SLC34A1: variants seen among roughly 807,000 people sequenced by gnomAD.
The protein encoded by SLC34A1 is solute carrier family 34 member 1.
A neutral mutation model predicts 51.4 loss-of-function variants in SLC34A1; 57 were observed. The ratio of observed to expected loss-of-function variants is 1.11; its 90% CI spans 0.90 to 1.38. SLC34A1 has a LOEUF of 1.38. Ranked by LOEUF, SLC34A1 falls within the 40% of genes most tolerant of loss-of-function variation. The pLI is 0.00. For synonymous variants in SLC34A1, 368 were observed against 358.0 expected (o/e 1.03, Z -0.32); for missense variants, 796 against 835.6 (o/e 0.95, Z 0.58).
In SLC34A1 at chr5:177,396,622, C is replaced by T. The variant is rs1179212492; in HGVS notation, c.1175-111C>T. 5.1e-6 allele frequency: 4 copies of T among 789,226 alleles called. No individual in the cohort carries two copies. The highest frequency in any genetic ancestry group is 3.5e-5 in the Admixed American group (2 of 56,554). The allele number at this position is 789,226 out of a possible 1,614,324, so 48.9% of individuals were successfully genotyped here. A position where few individuals can be genotyped will look rare whatever the true frequency, so the allele number is the denominator to read the frequency against. ...CTCTCCCAGTGCCCCCGCGGAGATC[C>T]GCTCTCCCAGTGCCCCCGCGGAGGT... On this transcript the variant is annotated intron_variant, in intron 10 of 12. Coordinates refer to ENST00000324417, the MANE Select transcript of SLC34A1 (RefSeq NM_003052.5). The surrounding 1 kb of genome is among the most constrained non-coding windows in gnomAD (Gnocchi z 4.0).
Position 177,387,343 on chromosome 5 carries a change from C to T in SLC34A1, c.533-419C>T, listed in dbSNP as rs183944583. ...CCAGGAGGCAGAGCTTGCAGTGAGC[C>T]GAGATCATGCCACTGCACTCCAGCC... On this transcript the variant is annotated intron_variant, in intron 5 of 12. Coordinates refer to ENST00000324417, the MANE Select transcript of SLC34A1 (RefSeq NM_003052.5). Among the ~76,000 whole-genome samples, 15 of 152,240 alleles carry T rather than the reference C, an allele frequency of 9.9e-5. No homozygotes were observed. In the East Asian group the frequency reaches 2.1e-3, roughly 22 times the overall value.
At position 177,397,016 on chromosome 5, in the gene SLC34A1, C is replaced by T. The variant is rs1177051335; in HGVS notation, c.1358C>T (p.Thr453Ile). 6.2e-7 allele frequency: 1 copy of T among 1,614,040 alleles called. No individual in the cohort carries two copies. Among genetic ancestry groups the T allele is most frequent in the Non-Finnish European group, 8.5e-7 (1 of 1,180,046 alleles). ...LTLGSNIGTT[T>I]TAILAALASP... is the part of the protein sequence containing the mutation. ...CTGGGTTCCAACATCGGCACCACCA[C>T]CACGGCCATCCTGGCTGCCCTGGCC... Residue 453 changes from threonine to isoleucine, a missense_variant, in exon 12 of 13, where the codon ACC becomes ATC. Physicochemically the swap from Thr to Ile is moderately conservative, Grantham distance 89. Coordinates refer to ENST00000324417, the MANE Select transcript of SLC34A1 (RefSeq NM_003052.5).
At chr5:177,389,307 G>A (rs929300480) in intron 8 of SLC34A1, among the ~76,000 whole-genome samples, 1 of 152,078 alleles carries the variant, frequency 6.6e-6, no homozygotes, top group East Asian at 1.9e-4. Context: ...AATGAGATAC[G>A]AGGAAATCCA....
chr5:177,388,285 G>C lies in SLC34A1; in HGVS notation c.849G>C (p.Glu283Asp), dbSNP rs749905923. 1 of 1,614,138 alleles carries C rather than the reference G, an allele frequency of 6.2e-7. No homozygotes were observed. The highest frequency in any genetic ancestry group is 1.7e-5 in the Admixed American group (1 of 60,022). Residue 283 changes from glutamate (E) to aspartate (D), a missense_variant, in exon 8 of 13, where the codon GAG becomes GAC. Glu to Asp is a conservative substitution (Grantham distance 45, BLOSUM62 2). Transcript: ENST00000324417. This position sits in a 1 kb window ranked among gnomAD's most constrained non-coding sequence, Gnocchi z 4.3. ...PFTKLIIQLDESVITSIATGD... is the reference protein window; with the variant it reads ...PFTKLIIQLDDSVITSIATGD... Reference sequence around the variant, plus strand: ...CCACATCTTGCCCACAGCTGGACGAGTCTGTGATAACCAGCATTGCCACTG... The same window carrying C: ...CCACATCTTGCCCACAGCTGGACGACTCTGTGATAACCAGCATTGCCACTG...
Position 177,398,543 on chromosome 5 carries a change from G to A in SLC34A1, c.*257G>A, listed in dbSNP as rs1306342542. 1.7e-6 allele frequency: 1 copy of A among 585,504 alleles called. No homozygotes were observed. The highest frequency in any genetic ancestry group is 1.9e-5 in the African/African-American group (1 of 53,852). The allele number at this position is 585,504 out of a possible 1,614,324, so 36.3% of individuals were successfully genotyped here. The stretch of plus-strand genomic sequence containing the variant: ...GTGCCAGCCCATGCAGGTGTACACA[G>A]ACACACCTGTGGGAGGCTGTGTGCA... On this transcript the variant is annotated 3_prime_UTR_variant, in exon 13 of 13. Coordinates refer to ENST00000324417, the MANE Select transcript of SLC34A1 (RefSeq NM_003052.5). The surrounding 1 kb of genome is among the most constrained non-coding windows in gnomAD (Gnocchi z 4.7).
chr5:177,392,411 C>T (rs935303727), intron 8 of SLC34A1, among the ~76,000 whole-genome samples: 15 of 152,008 alleles, frequency 9.9e-5, no homozygotes, highest in African/African-American at 2.4e-4. Flanking sequence ...TGCAGTGAGC[C>T]GAGATTGTGC....
chr5:177,391,133 T>G (rs530291226), intron 8 of SLC34A1, among the ~76,000 whole-genome samples: 25 of 152,274 alleles, frequency 1.6e-4, no homozygotes, highest in Non-Finnish European at 2.8e-4. Context: ...GGGCACATCT[T>G]GGGAAGATGC....
At chr5:177,392,911 C>T (rs1435103017) in intron 8 of SLC34A1, among the ~76,000 whole-genome samples, 1 of 152,234 alleles carries the variant, frequency 6.6e-6, no homozygotes, top group East Asian at 1.9e-4. Context: ...CACACTGCAC[C>T]TGGCCCAGAT....
chr5:177,393,648 A>G, intron 8 of SLC34A1, 46 bp from the exon 9 acceptor site: 1 of 1,592,440 alleles, frequency 6.3e-7, no homozygotes, highest in Non-Finnish European at 8.6e-7. Flanking sequence ...CCCCAACCTC[A>G]GGCTGTGTTT....
rs1281370934 is a variant in SLC34A1 at position 177,385,758 on chromosome 5, A to G, written c.17A>G (p.Glu6Gly). MLSYG[E>G]RLGSPAVSPL... Reference sequence around the variant, plus strand: ...GTGCCCAGGATGTTGTCCTACGGAGAGAGGCTGGGGTCCCCTGCTGTCTCC... The same window carrying G: ...GTGCCCAGGATGTTGTCCTACGGAGGGAGGCTGGGGTCCCCTGCTGTCTCC... Residue 6 changes from glutamate (E) to glycine (G), a missense_variant, in exon 2 of 13, where the codon GAG becomes GGG. By Grantham distance (98) the Glu-to-Gly change is moderately conservative (BLOSUM62 -2). Transcript: ENST00000324417. 6.2e-7 allele frequency: 1 copy of G among 1,612,900 alleles called. No homozygotes were observed. The highest frequency in any genetic ancestry group is 8.5e-7 in the Non-Finnish European group (1 of 1,179,736).
chr5:177,386,143 C>G lies in SLC34A1; in HGVS notation c.259+7C>G, dbSNP rs769002585. 2 of 1,613,784 alleles carry G rather than the reference C, an allele frequency of 1.2e-6. No individual in the cohort carries two copies. The highest frequency in any genetic ancestry group is 1.7e-6 in the Non-Finnish European group (2 of 1,179,856). ...GAGGAGGAGCAGAAGCCAGGTGGGC[C>G]TGGGCTGGGGGTGGCAGAGGCGGCA... is the stretch of plus-strand genomic sequence containing the variant. On this transcript the variant is annotated splice_region_variant and intron_variant, in intron 3 of 12. Coordinates refer to ENST00000324417, the MANE Select transcript of SLC34A1 (RefSeq NM_003052.5). The surrounding 1 kb of genome is among the most constrained non-coding windows in gnomAD (Gnocchi z 4.8).
Position 177,396,670 on chromosome 5 carries a change from G to A in SLC34A1, c.1175-63G>A. The A allele has an allele frequency of 1.4e-6, 2 of 1,421,902 alleles. No individual in the cohort carries two copies. The highest frequency in any genetic ancestry group is 2.3e-5 in the East Asian group (1 of 43,900). 88.1% of individuals were successfully genotyped at this position (1,421,902 alleles called of 1,614,324 possible). A position where few individuals can be genotyped will look rare whatever the true frequency, so the allele number is the denominator to read the frequency against. ...GGTCCGCTCTCCCAGTGCCCCCGCG[G>A]AGGTCTGCTCTCCCAATGTCCCCGC... is the stretch of plus-strand genomic sequence containing the variant. On this transcript the variant is annotated intron_variant, in intron 10 of 12. Transcript: ENST00000324417. This position sits in a 1 kb window ranked among gnomAD's most constrained non-coding sequence, Gnocchi z 4.0.
chr5:177,386,435 G>C lies in SLC34A1; in HGVS notation c.401G>C (p.Gly134Ala), dbSNP rs1386086457. ...AFQLAGGKVA[G>A]DIFKDNAILS... ...TCATGCTCCCCAGGGAAGGTGGCTG[G>C]TGACATCTTCAAGGATAACGCCATC... is the stretch of plus-strand genomic sequence containing the variant. The change falls in exon 5 of 13, where the codon GGT becomes GCT. Residue 134 changes from glycine (G) to alanine (A), a missense_variant. Physicochemically the swap from Gly to Ala is moderately conservative, Grantham distance 60 (BLOSUM62 0). Transcript: ENST00000324417. The surrounding 1 kb of genome is among the most constrained non-coding windows in gnomAD (Gnocchi z 4.8). 6.2e-7 allele frequency: 1 copy of C among 1,614,194 alleles called. No homozygotes were observed.
intron 8 of SLC34A1, among the ~76,000 whole-genome samples, chr5:177,392,378 G>A (rs769486066): frequency 6.6e-6 from 1 of 152,168 alleles, no homozygotes; most frequent in Non-Finnish European, 1.5e-5. Flanking sequence ...CGGGAGAATC[G>A]CTTGAACCCA....
intron 8 of SLC34A1, chr5:177,389,883 C>A: frequency 6.9e-7 from 1 of 1,444,360 alleles, no homozygotes. Context: ...GGTTTCTCTT[C>A]CTCACTCTAC....
At position 177,396,417 on chromosome 5, in the gene SLC34A1, TGCCCCCGCG is replaced by T; in HGVS notation, c.1175-314_1175-306del. 6.6e-6 allele frequency among the ~76,000 whole-genome samples: 1 copy of T among 151,188 alleles called. No homozygotes were observed. The highest frequency in any genetic ancestry group is 1.5e-5 in the Non-Finnish European group (1 of 67,860). On this transcript the variant is annotated intron_variant, in intron 10 of 12. Transcript: ENST00000324417. The surrounding 1 kb of genome is among the most constrained non-coding windows in gnomAD (Gnocchi z 4.0). Reference sequence around the variant, plus strand: ...CCCCCATGGAGGTCGTCTCTCCCAGTGCCCCCGCGGAGATCCGCTCTCCCAGTGCCCCCG... The same window carrying T: ...CCCCCATGGAGGTCGTCTCTCCCAGTGAGATCCGCTCTCCCAGTGCCCCCG...
At chr5:177,397,134 C>T (rs1762997991) in intron 12 of SLC34A1, 60 bp downstream of exon 12, 2 of 1,590,476 alleles carry the variant, frequency 1.3e-6, no homozygotes, top group Non-Finnish European at 1.7e-6. Context: ...GGTGTGGGGC[C>T]TCACAAAGGT....
Position 177,385,783 on chromosome 5 carries a change from C to A in SLC34A1, c.42C>A (p.Ser14=). ...AGAGGCTGGGGTCCCCTGCTGTCTC[C>A]CCACTCCCAGTCCGTGGGGGGCATG... ...YGERLGSPAV[S]PLPVRGGHVM... The change falls in exon 2 of 13, where the codon TCC becomes TCA. Residue 14 remains serine, a synonymous_variant. Transcript: ENST00000324417. 1 of 1,613,210 alleles carries A rather than the reference C, an allele frequency of 6.2e-7. No individual in the cohort carries two copies. Among genetic ancestry groups the A allele is most frequent in the Non-Finnish European group, 8.5e-7 (1 of 1,179,876 alleles).
Position 177,394,150 on chromosome 5 carries a change from C to T in SLC34A1, c.1129C>T (p.Leu377Phe). 6.2e-7 allele frequency: 1 copy of T among 1,614,098 alleles called. No homozygotes were observed. Among genetic ancestry groups the T allele is most frequent in the Non-Finnish European group, 8.5e-7 (1 of 1,180,032 alleles). Residue 377 changes from leucine to phenylalanine, a missense_variant, in exon 10 of 13, where the codon CTC becomes TTC. By Grantham distance (22) the Leu-to-Phe change is conservative. Coordinates refer to ENST00000324417, the MANE Select transcript of SLC34A1 (RefSeq NM_003052.5). ...CCTAGTCAAGATGCTCAACTCCCTG[C>T]TCAAGGGCCAAGTGGCCAAGGTCAT... ...ILLVKMLNSL[L>F]KGQVAKVIQK...
Sources: allele counts gnomAD v4.1 joint callset (sites outside exome capture counted in the v4.1 genomes callset), GRCh38; gene constraint gnomAD v4.1.1; non-coding constraint Gnocchi (gnomAD v3.1); transcripts MANE v1.5; gene names NCBI Gene and HGNC (gene_info 2026-07-23, HGNC 2026-07-21).